ZZZ3: variants seen among roughly 807,000 people sequenced by gnomAD.
ZZZ3 encodes ZZ-type zinc finger-containing protein 3.
Under a neutral mutation model 95.2 loss-of-function variants are expected in ZZZ3, and 22 were observed. That is an observed-to-expected ratio of 0.23 (90% confidence interval 0.17 to 0.33). The LOEUF is 0.33. ZZZ3 is among the 10% of genes least tolerant of loss of function. The probability of loss-of-function intolerance (pLI) is 1.00; values close to 1 mark genes in which losing one functional copy is unlikely to be tolerated. For missense variants in ZZZ3, 885 were observed against 1,066.5 expected, an observed-to-expected ratio of 0.83 and a Z score of 2.37; for synonymous variants, 335 against 358.9, an observed-to-expected ratio of 0.93 and a Z score of 0.75.
chr1:77,566,152 C>G lies in ZZZ3; in HGVS notation c.2496G>C (p.Gln832His), dbSNP rs1401701883. 6.2e-7 allele frequency: 1 copy of G among 1,612,860 alleles called. No homozygotes were observed. Among genetic ancestry groups the G allele is most frequent in the Non-Finnish European group, 8.5e-7 (1 of 1,179,384 alleles). ...KCDNCGIEPI[Q>H]GVRWHCQDCP... ...AATCCTGGCAATGCCACCGAACACC[C>G]TGGATGGGTTCTATGCCACAGTTAT... The change falls in exon 14 of 15, where the codon CAG becomes CAC. Residue 832 changes from glutamine to histidine, a missense_variant. Gln to His is a conservative substitution (Grantham distance 24). Transcript: ENST00000370801.
intron 1 of ZZZ3, among the ~76,000 whole-genome samples, chr1:77,660,713 T>G (rs1447575235): frequency 6.6e-6 from 1 of 152,210 alleles, no homozygotes; most frequent in Non-Finnish European, 1.5e-5. Context: ...TTCAATCCTT[T>G]CAGGAATAAC....
chr1:77,682,652 T>G lies in ZZZ3; in HGVS notation c.-470A>C, dbSNP rs1010022664. The stretch of plus-strand genomic sequence containing the variant: ...GCTCCGCCATCCAGGACAACTGCTC[T>G]GCCAACGAGGTCCCGCGAGAATCGA... On this transcript the variant is annotated 5_prime_UTR_variant, in exon 1 of 15. Transcript: ENST00000370801. 2.0e-5 allele frequency: 3 copies of G among 152,216 alleles called. No homozygotes were observed. The highest frequency in any genetic ancestry group is 6.5e-5 in the Admixed American group (1 of 15,278). The allele number at this position is 152,216 out of a possible 1,614,324, so 9.4% of individuals were successfully genotyped here. A position where few individuals can be genotyped will look rare whatever the true frequency, so the allele number is the denominator to read the frequency against.
intron 1 of ZZZ3, among the ~76,000 whole-genome samples, chr1:77,671,359 C>T (rs1043846220): frequency 6.6e-6 from 1 of 151,832 alleles, no homozygotes; most frequent in African/African-American, 2.4e-5. Flanking sequence ...GAATATGAGA[C>T]TTGAAAGAAA....
chr1:77,624,261 A>G (rs757107781), intron 5 of ZZZ3, among the ~76,000 whole-genome samples: 3 of 152,122 alleles, frequency 2.0e-5, no homozygotes, highest in Non-Finnish European at 2.9e-5. Context: ...AGTGCCTGAC[A>G]CAGAGTTCCT....
At position 77,562,931 on chromosome 1, in the gene ZZZ3, A is replaced by G. The variant is rs1660537136; in HGVS notation, c.*2709T>C. The stretch of plus-strand genomic sequence containing the variant: ...TCCAAGCATGACCACTTTACTAACT[A>G]TACGACCTTGGGCAGGTTAATTAAC... On this transcript the variant is annotated 3_prime_UTR_variant, in exon 15 of 15. Transcript: ENST00000370801. 6.6e-6 allele frequency: 1 copy of G among 152,374 alleles called. No individual in the cohort carries two copies. Among genetic ancestry groups the G allele is most frequent in the Non-Finnish European group, 1.5e-5 (1 of 68,034 alleles). The allele number at this position is 152,374 out of a possible 1,614,324, so 9.4% of individuals were successfully genotyped here.
intron 5 of ZZZ3, among the ~76,000 whole-genome samples, chr1:77,618,040 C>T (rs1471415379): frequency 6.6e-6 from 1 of 152,048 alleles, no homozygotes; most frequent in African/African-American, 2.4e-5. Context: ...ACAGTGGGTG[C>T]ACCATTTTAC....
Position 77,632,562 on chromosome 1 carries a change from T to G in ZZZ3, c.793A>C (p.Lys265Gln). Residue 265 changes from lysine (K) to glutamine (Q), a missense_variant, in exon 5 of 15, where the codon AAG becomes CAG. By Grantham distance (53) the Lys-to-Gln change is moderately conservative. Coordinates refer to ENST00000370801, the MANE Select transcript of ZZZ3 (RefSeq NM_015534.6). ...ACTTGTGAATCTGTGCAAGGCACCT[T>G]ATGGTCTATATAACTGTCCTCCTTC... ...SRKEDSYIDHKVPCTDSQVQV... is the reference protein window; with the variant it reads ...SRKEDSYIDHQVPCTDSQVQV... 1 of 1,614,194 alleles carries G rather than the reference T, an allele frequency of 6.2e-7. No individual in the cohort carries two copies. Among genetic ancestry groups the G allele is most frequent in the Non-Finnish European group, 8.5e-7 (1 of 1,180,016 alleles).
At chr1:77,669,023 AC>A (rs1453067888) in intron 1 of ZZZ3, among the ~76,000 whole-genome samples, 2 of 152,104 alleles carry the variant, frequency 1.3e-5, no homozygotes, top group Non-Finnish European at 2.9e-5. Context: ...AAAAAAAAAA[AC>A]AGCCTTATGC....
chr1:77,669,212 C>T (rs1215460968), intron 1 of ZZZ3, among the ~76,000 whole-genome samples: 4 of 152,132 alleles, frequency 2.6e-5, no homozygotes, highest in African/African-American at 4.8e-5. Flanking sequence ...CAGACAAGAA[C>T]TCTGAGGTTG....
intron 1 of ZZZ3, among the ~76,000 whole-genome samples, chr1:77,662,718 G>A (rs1004411931): frequency 6.6e-6 from 1 of 152,172 alleles, no homozygotes; most frequent in Non-Finnish European, 1.5e-5. Flanking sequence ...TTGAGTCCAG[G>A]AGGTCAAAGC....
At chr1:77,672,708 A>C (rs1034754504) in intron 1 of ZZZ3, among the ~76,000 whole-genome samples, 33 of 152,368 alleles carry the variant, frequency 2.2e-4, no homozygotes, top group Admixed American at 1.8e-3. Flanking sequence ...AATTCTCTTA[A>C]CTACAGAAAG....
Position 77,633,359 on chromosome 1 carries a change from T to C in ZZZ3, c.-5A>G, listed in dbSNP as rs753227563. 6.9e-6 allele frequency: 11 copies of C among 1,591,364 alleles called. No individual in the cohort carries two copies. The highest frequency in any genetic ancestry group is 1.7e-4 in the Middle Eastern group (1 of 5,932). ...AGTAGATCGGGAAGCAGCCATACTA[T>C]GGCAAGTCCCTACAATACGGTCATC... On this transcript the variant is annotated 5_prime_UTR_variant, in exon 5 of 15. Transcript: ENST00000370801.
chr1:77,596,309 G>A (rs962701510), intron 5 of ZZZ3, among the ~76,000 whole-genome samples: 11 of 151,940 alleles, frequency 7.2e-5, no homozygotes, highest in African/African-American at 2.4e-4. Flanking sequence ...TTCATAAAAG[G>A]CAAAACTACA....
chr1:77,606,234 C>T (rs74090676), intron 5 of ZZZ3, among the ~76,000 whole-genome samples: 1 of 152,154 alleles, frequency 6.6e-6, no homozygotes, highest in Non-Finnish European at 1.5e-5. Context: ...GTGATGGTGG[C>T]CATGGGGTGA....
At chr1:77,604,926 G>T (rs4949817) in intron 5 of ZZZ3, among the ~76,000 whole-genome samples, 89,027 of 151,872 alleles carry the variant, frequency 0.59, 28,121 homozygotes, top group Non-Finnish European at 0.71. Context: ...AGGAGAAAAT[G>T]TTTCACTTAG....
In ZZZ3 at chr1:77,568,360, C is replaced by A; in HGVS notation, c.2438G>T (p.Ser813Ile). ...AAAGCCCACATGTTGCACAAATCCA[C>A]TTTCAGCTTGCATTTGCTGAAGTTT... The part of the protein sequence containing the change: ...KQKLQQMQAE[S>I]GFVQHVGFKC... Residue 813 changes from serine (S) to isoleucine (I), a missense_variant, in exon 13 of 15, where the codon AGT becomes ATT. By Grantham distance (142) the Ser-to-Ile change is moderately radical. Coordinates refer to ENST00000370801, the MANE Select transcript of ZZZ3 (RefSeq NM_015534.6). 6.3e-7 allele frequency: 1 copy of A among 1,592,462 alleles called. No homozygotes were observed. The highest frequency in any genetic ancestry group is 1.4e-5 in the African/African-American group (1 of 73,226).
At chr1:77,621,321 A>C (rs1437425415) in intron 5 of ZZZ3, among the ~76,000 whole-genome samples, 1 of 151,494 alleles carries the variant, frequency 6.6e-6, no homozygotes, top group Non-Finnish European at 1.5e-5. Context: ...CTCTACAAAA[A>C]AATTAAATAA....
chr1:77,606,552 TTCAAG>T (rs1427544124), intron 5 of ZZZ3, among the ~76,000 whole-genome samples: 1 of 152,146 alleles, frequency 6.6e-6, no homozygotes, highest in East Asian at 1.9e-4. Context: ...CTGTGCTGCC[TTCAAG>T]TCTAACCAAG....
At chr1:77,589,454 T>C (rs1314579350) in intron 5 of ZZZ3, among the ~76,000 whole-genome samples, 3 of 150,178 alleles carry the variant, frequency 2.0e-5, no homozygotes, top group Non-Finnish European at 1.5e-5. Context: ...ATTTATTTAT[T>C]TATTTGATGG....
Sources: allele counts gnomAD v4.1 joint callset (sites outside exome capture counted in the v4.1 genomes callset), GRCh38; gene constraint gnomAD v4.1.1; transcripts MANE v1.5; gene names NCBI Gene and HGNC (gene_info 2026-07-23, HGNC 2026-07-21).